The following PIGN variants were observed in gnomAD, a reference collection of about 807,000 sequenced individuals.
The protein encoded by PIGN is phosphatidylinositol glycan anchor biosynthesis class N.
PIGN carries 117 observed loss-of-function variants against 125.4 expected under a neutral mutation model. That is an observed-to-expected ratio of 0.93 (90% confidence interval 0.80 to 1.09). The LOEUF (loss-of-function observed/expected upper bound fraction) is 1.09, where lower values mean the gene tolerates loss of function less well. Among genes scored for constraint, PIGN ranks in the 50% least tolerant of loss-of-function variants. The probability of loss-of-function intolerance (pLI) is 0.00; values close to 1 mark genes in which losing one functional copy is unlikely to be tolerated. For missense variants in PIGN, 1,075 were observed against 1,094.9 expected, an observed-to-expected ratio of 0.98 and a Z score of 0.26; for synonymous variants, 392 against 377.8, an observed-to-expected ratio of 1.04 and a Z score of -0.44.
intron 30 of PIGN, among the ~76,000 whole-genome samples, chr18:62,063,292 G>T (rs592488): frequency 0.11 from 3,787 of 33,190 alleles, 63 homozygotes; most frequent in African/African-American, 0.2. Context: ...ATAGATTTTA[G>T]CCAAAATCTA....
intron 1 of PIGN, among the ~76,000 whole-genome samples, chr18:62,166,690 T>A (rs111456492): frequency 1.3e-5 from 2 of 152,164 alleles, no homozygotes; most frequent in African/African-American, 4.8e-5. Flanking sequence ...AAAGAAAATG[T>A]GGCATATATA....
In PIGN at chr18:62,154,704, C is replaced by G. The variant is rs1355790612; in HGVS notation, c.443-53G>C. 6 of 869,366 alleles carry G rather than the reference C, an allele frequency of 6.9e-6. No homozygotes were observed. In the African/African-American group the frequency reaches 1.0e-4, roughly 15 times the overall value. 53.9% of individuals were successfully genotyped at this position (869,366 alleles called of 1,614,324 possible). A position where few individuals can be genotyped will look rare whatever the true frequency, so the allele number is the denominator to read the frequency against. On this transcript the variant is annotated intron_variant, in intron 6 of 30. Transcript: ENST00000640252. ...CTTTTTACAAAATCTTTTAAACTAT[C>G]ATAAAATATGAGCTAGTCATTCACA...
chr18:62,114,786 T>G, intron 14 of PIGN, 147 bp from the exon 15 acceptor site: 1 of 485,936 alleles, frequency 2.1e-6, no homozygotes, highest in South Asian at 3.3e-5. Context: ...GAATTGCTGT[T>G]TGTTCTCTGA....
intron 14 of PIGN, among the ~76,000 whole-genome samples, chr18:62,116,259 C>A (rs1269284816): frequency 1.3e-5 from 2 of 152,206 alleles, no homozygotes; most frequent in Non-Finnish European, 2.9e-5. Flanking sequence ...AAGGCTATAT[C>A]TAAGTTGAAT....
At chr18:62,031,542 T>A (rs563363658) in intron 23 of PIGN, among the ~76,000 whole-genome samples, 12 of 152,290 alleles carry the variant, frequency 7.9e-5, no homozygotes, top group African/African-American at 2.6e-4. Context: ...TGAGTGATGC[T>A]CTGCCCCAAG....
At chr18:62,121,134 C>T (rs1238357124) in intron 14 of PIGN, among the ~76,000 whole-genome samples, 1 of 152,078 alleles carries the variant, frequency 6.6e-6, no homozygotes, top group Non-Finnish European at 1.5e-5. Flanking sequence ...GCCAATGACA[C>T]ACTAGAATGC....
chr18:62,060,126 A>G (rs1382047629), intron 30 of PIGN, among the ~76,000 whole-genome samples: 1 of 152,204 alleles, frequency 6.6e-6, no homozygotes, highest in African/African-American at 2.4e-5. Context: ...TCTTCATGCA[A>G]TTGAGCCATA....
chr18:62,107,901 C>T (rs2034714790), intron 17 of PIGN, among the ~76,000 whole-genome samples: 1 of 152,104 alleles, frequency 6.6e-6, no homozygotes, highest in South Asian at 2.1e-4. Flanking sequence ...TAAGATGTCA[C>T]TAATTGTACA....
intron 6 of PIGN, among the ~76,000 whole-genome samples, chr18:62,156,633 T>C (rs1201605559): frequency 1.3e-5 from 2 of 152,194 alleles, no homozygotes; most frequent in Non-Finnish European, 2.9e-5. Context: ...GCCCAGCCAA[T>C]GTTTAAATCT....
At chr18:62,179,325 G>A (rs985578937) in intron 1 of PIGN, among the ~76,000 whole-genome samples, 6 of 152,138 alleles carry the variant, frequency 3.9e-5, no homozygotes, top group Non-Finnish European at 7.3e-5. Context: ...AAGTCACTAC[G>A]TGCAGCCAAC....
chr18:62,166,996 ACCATGG>A (rs1320319349), intron 1 of PIGN, among the ~76,000 whole-genome samples: 1 of 152,220 alleles, frequency 6.6e-6, no homozygotes, highest in Non-Finnish European at 1.5e-5. Context: ...GCAGTAAACC[ACCATGG>A]CACATGTATA....
chr18:62,110,361 T>C (rs542089601), intron 16 of PIGN, among the ~76,000 whole-genome samples: 1 of 152,300 alleles, frequency 6.6e-6, no homozygotes, highest in African/African-American at 2.4e-5. Context: ...GACTTAATTA[T>C]CATTTGGAAC....
At chr18:62,018,910 G>T (rs1420334964) in intron 23 of PIGN, among the ~76,000 whole-genome samples, 1 of 152,120 alleles carries the variant, frequency 6.6e-6, no homozygotes, top group Non-Finnish European at 1.5e-5. Context: ...CCTGCCCAAG[G>T]TTGGCAGTTA....
intron 23 of PIGN, among the ~76,000 whole-genome samples, chr18:62,028,671 G>A (rs561480453): frequency 3.9e-5 from 6 of 152,194 alleles, no homozygotes; most frequent in African/African-American, 1.2e-4. Context: ...ACATTTTCAC[G>A]TAGATCCAAG....
In PIGN at chr18:62,161,230, G is replaced by A. The variant is rs2036940730; in HGVS notation, c.124C>T (p.Pro42Ser). The change falls in exon 4 of 31, where the codon CCA (proline) becomes TCA (serine). Residue 42 changes from proline to serine, a missense_variant. By Grantham distance (74) the Pro-to-Ser change is moderately conservative. This residue lies in a region of PIGN where 152 missense variants were observed against 162.9 expected (regional missense o/e 0.93). Transcript: ENST00000640252. Reference sequence around the variant, plus strand: ...ACAAACAACACTAATCTTCTCGCTGGAGGAGGCAATGGTGTAAACTGAGGA... The same window carrying A: ...ACAAACAACACTAATCTTCTCGCTGAAGGAGGCAATGGTGTAAACTGAGGA... ...MTPQFTPLPP[P>S]ARRLVLFVAD... The A allele has an allele frequency of 1.2e-6, 2 of 1,613,722 alleles. No homozygotes were observed. The highest frequency in any genetic ancestry group is 1.7e-6 in the Non-Finnish European group (2 of 1,179,784).
intron 24 of PIGN, among the ~76,000 whole-genome samples, chr18:62,089,152 T>TA (rs1447224981): frequency 6.6e-6 from 1 of 152,180 alleles, no homozygotes; most frequent in Non-Finnish European, 1.5e-5. Flanking sequence ...AATCCCTATA[T>TA]AATTCTTCCC....
intron 17 of PIGN, among the ~76,000 whole-genome samples, chr18:62,109,573 T>C (rs931286658): frequency 6.6e-6 from 1 of 152,174 alleles, no homozygotes; most frequent in Non-Finnish European, 1.5e-5. Flanking sequence ...ATTTTTTTTC[T>C]ATAAAAGATA....
intron 23 of PIGN, among the ~76,000 whole-genome samples, chr18:62,029,163 A>C (rs2030161842): frequency 6.6e-6 from 1 of 152,086 alleles, no homozygotes. Context: ...AGTGGGAGGA[A>C]GATGCTTTGG....
intron 30 of PIGN, among the ~76,000 whole-genome samples, chr18:62,066,740 G>A (rs947098807): frequency 2.4e-4 from 36 of 152,106 alleles, no homozygotes; most frequent in African/African-American, 8.2e-4. Context: ...TCTGCTCTGG[G>A]AATGAGTTAA....
Sources: gnomAD v4.1 joint callset for allele counts (sites outside exome capture counted in the v4.1 genomes callset) on GRCh38, gnomAD v4.1.1 for gene constraint, gnomAD v4.1.1 regional missense constraint, MANE v1.5 for transcripts, NCBI Gene and HGNC (gene_info 2026-07-23, HGNC 2026-07-21) for gene names.